FBXO3: variants seen among roughly 807,000 people sequenced by gnomAD.
The protein encoded by FBXO3 is F-box only protein 3.
FBXO3 carries 17 observed loss-of-function variants against 64.8 expected under a neutral mutation model. That is an observed-to-expected ratio of 0.26 (90% CI 0.18 to 0.39). The LOEUF (loss-of-function observed/expected upper bound fraction) is 0.39, where lower values mean the gene tolerates loss of function less well. FBXO3 is among the 10% of genes least tolerant of loss of function. FBXO3 has a pLI of 1.00. For synonymous variants in FBXO3, 182 were observed against 201.6 expected (o/e 0.90, Z 0.82); for missense variants, 420 against 589.9 (o/e 0.71, Z 2.98).
chr11:33,746,543 G>C (rs562924914), intron 10 of FBXO3: 2 of 619,192 alleles, frequency 3.2e-6, no homozygotes, highest in South Asian at 3.8e-5. Context: ...ATTGCATTCT[G>C]GGTATATAAT....
chr11:33,764,238 A>C (rs532655505), intron 3 of FBXO3, among the ~76,000 whole-genome samples: 2 of 152,238 alleles, frequency 1.3e-5, no homozygotes, highest in Non-Finnish European at 2.9e-5. Context: ...AAGTAGAAAT[A>C]ATCCATACAA....
intron 1 of FBXO3, chr11:33,773,463 T>C (rs1039843460): frequency 2.0e-5 from 3 of 152,160 alleles, no homozygotes; most frequent in Non-Finnish European, 4.4e-5. Flanking sequence ...AATCTAATGG[T>C]TAATCCAAAC....
At chr11:33,761,942 A>C (rs955782143) in intron 3 of FBXO3, among the ~76,000 whole-genome samples, 20 of 152,218 alleles carry the variant, frequency 1.3e-4, no homozygotes, top group Admixed American at 6.5e-4. Context: ...AGTCCCTTTT[A>C]AAGGCTCATC....
intron 6 of FBXO3, chr11:33,754,200 T>C (rs921852863): frequency 1.8e-4 from 64 of 357,528 alleles, no homozygotes; most frequent in Non-Finnish European, 1.3e-4. Context: ...TCTACATATT[T>C]CATTGCCTTA....
At position 33,748,808 on chromosome 11, in the gene FBXO3, G is replaced by A. The variant is rs1019777059; in HGVS notation, c.1017C>T (p.Asp339=). 23 of 1,613,126 alleles carry A rather than the reference G, an allele frequency of 1.4e-5. No homozygotes were observed. The highest frequency in any genetic ancestry group is 5.0e-5 in the Admixed American group (3 of 59,974). The change falls in exon 9 of 11, where the codon GAC becomes GAT. Residue 339 remains aspartate (D), a synonymous_variant. Transcript: ENST00000265651. ...RYWRITNAKG[D]VEEVQGPGVV... is the part of the protein sequence containing the mutation. ...CTCCAGGTCCTTGAACTTCTTCCAC[G>A]TCACCCTTAGCATTTGTTATTCTCC...
intron 3 of FBXO3, among the ~76,000 whole-genome samples, chr11:33,766,546 C>T (rs528606591): frequency 3.9e-5 from 6 of 152,304 alleles, no homozygotes; most frequent in East Asian, 1.9e-4. Flanking sequence ...GCCAACCCCT[C>T]GTCTAAACAG....
At chr11:33,757,116 G>A (rs1346521704) in intron 4 of FBXO3, 3 of 516,746 alleles carry the variant, frequency 5.8e-6, no homozygotes, top group African/African-American at 1.9e-5. Flanking sequence ...ATCTGAAATT[G>A]TAACAGAGCC....
At position 33,756,123 on chromosome 11, in the gene FBXO3, T is replaced by TA. The variant is rs1855090955; in HGVS notation, c.474-149dup. ...TAAATCAGGAATACCCAAAGCACTA[T>TA]AATTTCTAAATATTTAATTCAAACT... On this transcript the variant is annotated intron_variant, in intron 4 of 10. Coordinates refer to ENST00000265651, the MANE Select transcript of FBXO3 (RefSeq NM_012175.4). 4 of 604,108 alleles carry TA rather than the reference T, an allele frequency of 6.6e-6. No individual in the cohort carries two copies. In the Admixed American group the frequency reaches 1.2e-4, roughly 18 times the overall value. 37.4% of individuals were successfully genotyped at this position (604,108 alleles called of 1,614,324 possible).
Position 33,743,590 on chromosome 11 carries a change from A to C in FBXO3, c.1240-1506T>G, listed in dbSNP as rs1854740761. ...CACCACCCCATTAACACTCTGATCT[A>C]ATCTCCAGCCCCTCTCCCTGTTGTT... On this transcript the variant is annotated intron_variant, in intron 10 of 10. Coordinates refer to ENST00000265651, the MANE Select transcript of FBXO3 (RefSeq NM_012175.4). This position sits in a 1 kb window ranked among gnomAD's most constrained non-coding sequence, Gnocchi z 4.6. 6.6e-6 allele frequency: 1 copy of C among 152,302 alleles called. No homozygotes were observed. The allele number at this position is 152,302 out of a possible 1,614,324, so 9.4% of individuals were successfully genotyped here. A position where few individuals can be genotyped will look rare whatever the true frequency, so the allele number is the denominator to read the frequency against.
Position 33,774,490 on chromosome 11 carries a change from G to A in FBXO3, c.8C>T (p.Ala3Val). MA[A>V]METETAPLTL... Reference sequence around the variant, plus strand: ...CAGCGGCGCCGTCTCGGTCTCCATGGCCGCCATCTTGCCTGGCCCGGTGCA... The same window carrying A: ...CAGCGGCGCCGTCTCGGTCTCCATGACCGCCATCTTGCCTGGCCCGGTGCA... Residue 3 changes from alanine (A) to valine (V), a missense_variant, in exon 1 of 11, where the codon GCC becomes GTC. Ala to Val is a moderately conservative substitution (Grantham distance 64, BLOSUM62 0). Coordinates refer to ENST00000265651, the MANE Select transcript of FBXO3 (RefSeq NM_012175.4). 1 of 1,564,756 alleles carries A rather than the reference G, an allele frequency of 6.4e-7. No individual in the cohort carries two copies. The highest frequency in any genetic ancestry group is 8.6e-7 in the Non-Finnish European group (1 of 1,156,674).
At chr11:33,770,969 T>C in intron 1 of FBXO3, 139 bp from the exon 2 acceptor site, 2 of 623,040 alleles carry the variant, frequency 3.2e-6, no homozygotes, top group South Asian at 5.4e-5. Context: ...ATTACAAAAC[T>C]ATTTTCTAAA....
At position 33,747,245 on chromosome 11, in the gene FBXO3, T is replaced by C; in HGVS notation, c.1124A>G (p.Tyr375Cys). 1 of 1,613,454 alleles carries C rather than the reference T, an allele frequency of 6.2e-7. No homozygotes were observed. Among genetic ancestry groups the C allele is most frequent in the South Asian group, 1.1e-5 (1 of 91,026 alleles). ...SCTTFSTTSG[Y>C]MEGYYTFHFL... ...ATGGAAGGTATAATATCCTTCCATG[T>C]ATCCTGATGTTGTAGAGAATGTGGT... The change falls in exon 10 of 11, where the codon TAC (tyrosine) becomes TGC (cysteine). Residue 375 changes from tyrosine to cysteine, a missense_variant. Coordinates refer to ENST00000265651, the MANE Select transcript of FBXO3 (RefSeq NM_012175.4).
In FBXO3 at chr11:33,751,512, A is replaced by G. The variant is rs1166285658; in HGVS notation, c.809+11T>C. ...AATCATTTCAATCCAAAAAGACCCA[A>G]AATAAAATACCTGAAAATTTGGTCT... On this transcript the variant is annotated intron_variant, in intron 7 of 10. Transcript: ENST00000265651. The G allele has an allele frequency of 6.4e-7, 1 of 1,570,652 alleles. No homozygotes were observed. The highest frequency in any genetic ancestry group is 8.7e-7 in the Non-Finnish European group (1 of 1,149,640).
chr11:33,769,137 A>G, intron 2 of FBXO3, 123 bp from the exon 3 acceptor site: 1 of 847,166 alleles, frequency 1.2e-6, no homozygotes. Context: ...TTAGCCACAA[A>G]TGAAGATCAG....
intron 1 of FBXO3, chr11:33,772,876 C>G (rs543256629): frequency 1.3e-5 from 2 of 152,160 alleles, no homozygotes; most frequent in South Asian, 4.2e-4. Context: ...CGCCATCTAC[C>G]TGACATGGCA....
rs148305774 is a variant in FBXO3, at chr11:33,768,367, G to C, written c.358+484C>G. On this transcript the variant is annotated intron_variant, in intron 3 of 10. Transcript: ENST00000265651. ...TACTATTTTGCAAATGTCAAAATAA[G>C]GATAAAAGTTTTCCTTACTCTACTA... Among the ~76,000 whole-genome samples the C allele has an allele frequency of 2.0e-5, 3 of 152,206 alleles. No individual in the cohort carries two copies. The East Asian group carries it at 5.8e-4, about 29-fold the overall frequency.
chr11:33,741,906 TG>T lies in FBXO3; in HGVS notation c.*1del. 6.2e-7 allele frequency: 1 copy of T among 1,609,580 alleles called. No individual in the cohort carries two copies. The highest frequency in any genetic ancestry group is 1.1e-5 in the South Asian group (1 of 90,186). On this transcript the variant is annotated 3_prime_UTR_variant, in exon 11 of 11. Coordinates refer to ENST00000265651, the MANE Select transcript of FBXO3 (RefSeq NM_012175.4). Reference sequence around the variant, plus strand: ...CTAGTGCTTCCATCAGCAGAAGGCTTGCTAAAAAAGGCGTGAGCAGCGGCGT... The same window carrying T: ...CTAGTGCTTCCATCAGCAGAAGGCTTCTAAAAAAGGCGTGAGCAGCGGCGT...
At chr11:33,770,221 T>G (rs2133625506) in intron 2 of FBXO3, among the ~76,000 whole-genome samples, 1 of 152,326 alleles carries the variant, frequency 6.6e-6, no homozygotes, top group Middle Eastern at 3.4e-3. Context: ...GCTTGCAGCT[T>G]TAAATAATAT....
intron 8 of FBXO3, among the ~76,000 whole-genome samples, chr11:33,749,899 G>A (rs1854912083): frequency 6.6e-6 from 1 of 151,980 alleles, no homozygotes; most frequent in Non-Finnish European, 1.5e-5. Flanking sequence ...GATGCTTCCT[G>A]GTAGTTATAT....
Sources: gnomAD v4.1 joint callset for allele counts (sites outside exome capture counted in the v4.1 genomes callset) on GRCh38, gnomAD v4.1.1 for gene constraint, Gnocchi (gnomAD v3.1) non-coding constraint, MANE v1.5 for transcripts, NCBI Gene and HGNC (gene_info 2026-07-23, HGNC 2026-07-21) for gene names.